The following AKAP13 variants were observed in gnomAD, a reference collection of about 807,000 sequenced individuals.
AKAP13 encodes the protein A-kinase anchoring protein 13, also known as A-kinase anchor protein 13.
A neutral mutation model predicts 264.5 loss-of-function variants in AKAP13; 80 were observed. The observed-to-expected ratio is 0.30, with a 90% confidence interval of 0.25 to 0.36. The LOEUF is 0.36. Ranked by LOEUF, AKAP13 falls within the 10% of genes least tolerant of loss-of-function variation. AKAP13 has a pLI of 1.00. For synonymous variants in AKAP13, 1,380 were observed against 1,250.2 expected, an observed-to-expected ratio of 1.10 and a Z score of -2.19; for missense variants, 3,712 against 3,435.2, an observed-to-expected ratio of 1.08 and a Z score of -2.01.
At chr15:85,704,875 A>T (rs2151679418) in intron 17 of AKAP13, among the ~76,000 whole-genome samples, 1 of 152,330 alleles carries the variant, frequency 6.6e-6, no homozygotes, top group Non-Finnish European at 1.5e-5. Flanking sequence ...GGCTGATGTC[A>T]GTGGGGCTGA....
intron 35 of AKAP13, 60 bp from the exon 36 acceptor site, chr15:85,743,432 A>T (rs2089206352): frequency 2.6e-6 from 4 of 1,543,000 alleles, no homozygotes; most frequent in Non-Finnish European, 3.5e-6. Flanking sequence ...GGATTTATTG[A>T]GTTGGCATCA....
intron 1 of AKAP13, among the ~76,000 whole-genome samples, chr15:85,431,032 G>C (rs958892992): frequency 6.6e-6 from 1 of 152,088 alleles, no homozygotes; most frequent in Middle Eastern, 3.2e-3. Flanking sequence ...GGTTGTTCTG[G>C]TGATAATGAG....
chr15:85,615,231 A>G (rs1229668765), intron 8 of AKAP13, among the ~76,000 whole-genome samples: 1 of 152,226 alleles, frequency 6.6e-6, no homozygotes, highest in African/African-American at 2.4e-5. Flanking sequence ...AAAGATAGTA[A>G]AGGGTTAAGG....
chr15:85,641,488 A>G (rs1436760934), intron 9 of AKAP13, among the ~76,000 whole-genome samples: 3 of 86,520 alleles, frequency 3.5e-5, no homozygotes, highest in African/African-American at 1.1e-4. Flanking sequence ...AAATAAATAA[A>G]TAAATAAATA....
Position 85,595,469 on chromosome 15 carries a change from A to T in AKAP13, c.4161+9646A>T, listed in dbSNP as rs115373433. On this transcript the variant is annotated intron_variant, in intron 8 of 36. Transcript: ENST00000394518. ...GCATACCTAGAATCTAGTTAAATTT[A>T]AAAAAGCAAACATATACAGATATAA... 2.4e-3 allele frequency among the ~76,000 whole-genome samples: 360 copies of T among 152,340 alleles called. 4 individuals carry two copies. Among genetic ancestry groups the T allele is most frequent in the African/African-American group, 8.2e-3 (341 of 41,576 alleles).
At chr15:85,411,240 G>C (rs771384333) in intron 1 of AKAP13, among the ~76,000 whole-genome samples, 3 of 152,224 alleles carry the variant, frequency 2.0e-5, no homozygotes, top group Non-Finnish European at 4.4e-5. Flanking sequence ...GTCATGTACT[G>C]TGAGTGAGAA....
chr15:85,709,302 T>C (rs947135121), intron 18 of AKAP13, among the ~76,000 whole-genome samples: 1 of 152,162 alleles, frequency 6.6e-6, no homozygotes, highest in Non-Finnish European at 1.5e-5. Flanking sequence ...TTATATAGTT[T>C]TTTATAGTCT....
Position 85,506,469 on chromosome 15 carries a change from G to T in AKAP13, c.34-14959G>T, listed in dbSNP as rs566634243. On this transcript the variant is annotated intron_variant, in intron 2 of 36. Coordinates refer to ENST00000394518, the MANE Select transcript of AKAP13 (RefSeq NM_007200.5). ...AGCTTACGTAACAGTTGGGAGGAAA[G>T]GGGAACTCAGATAAATACATAAATA... Among the ~76,000 whole-genome samples, 6 of 152,200 alleles carry T rather than the reference G, an allele frequency of 3.9e-5. No homozygotes were observed. In the South Asian group the frequency reaches 1.2e-3, roughly 32 times the overall value.
chr15:85,655,492 C>T lies in AKAP13; in HGVS notation c.4450C>T (p.His1484Tyr). The T allele has an allele frequency of 6.2e-7, 1 of 1,614,204 alleles. No homozygotes were observed. The highest frequency in any genetic ancestry group is 8.5e-7 in the Non-Finnish European group (1 of 1,180,030). Residue 1484 changes from histidine (H) to tyrosine (Y), a missense_variant, in exon 11 of 37, where the codon CAT becomes TAT. Physicochemically the swap from His to Tyr is moderately conservative, Grantham distance 83. Transcript: ENST00000394518. Reference sequence around the variant, plus strand: ...CGATGACACGGCTTCACTGGACCGACATTCTTCTCATGGCAGTGATGTGTC... The same window carrying T: ...CGATGACACGGCTTCACTGGACCGATATTCTTCTCATGGCAGTGATGTGTC... ...STDDTASLDR[H>Y]SSHGSDVSLS...
At chr15:85,636,740 T>C (rs938519119) in intron 8 of AKAP13, among the ~76,000 whole-genome samples, 1 of 151,968 alleles carries the variant, frequency 6.6e-6, no homozygotes, top group Non-Finnish European at 1.5e-5. Context: ...TCAGGCTCCC[T>C]AGTAGCTGGG....
Position 85,645,859 on chromosome 15 carries a change from A to G in AKAP13, c.4279A>G (p.Thr1427Ala), listed in dbSNP as rs749179692. The G allele has an allele frequency of 8.7e-5, 141 of 1,611,942 alleles. No homozygotes were observed. The highest frequency in any genetic ancestry group is 1.6e-4 in the Middle Eastern group (1 of 6,076). ...GGATGTTGGACTGGGCAGAGAGTGTACCTCAAAACAAGGTGTACTTAAAAG... is the reference window on the plus strand; with the variant it reads ...GGATGTTGGACTGGGCAGAGAGTGTGCCTCAAAACAAGGTGTACTTAAAAG... ...FLDVGLGREC[T>A]SKQGVLKRES... Residue 1427 changes from threonine to alanine, a missense_variant, in exon 10 of 37, where the codon ACC becomes GCC. By Grantham distance (58) the Thr-to-Ala change is moderately conservative (BLOSUM62 0). Transcript: ENST00000394518.
intron 14 of AKAP13, among the ~76,000 whole-genome samples, chr15:85,674,944 C>G (rs1473399276): frequency 1.3e-5 from 2 of 151,942 alleles, no homozygotes; most frequent in Non-Finnish European, 2.9e-5. Flanking sequence ...TGTAATCAGA[C>G]TTCTTTTTGA....
intron 3 of AKAP13, among the ~76,000 whole-genome samples, chr15:85,527,361 C>G (rs895421194): frequency 1.3e-5 from 2 of 152,054 alleles, no homozygotes; most frequent in African/African-American, 4.8e-5. Context: ...GAGTGATATC[C>G]TCCCAAGGGG....
chr15:85,710,535 T>C, intron 18 of AKAP13, 44 bp from the exon 19 acceptor site: 1 of 1,599,630 alleles, frequency 6.3e-7, no homozygotes, highest in Non-Finnish European at 8.5e-7. Context: ...TCTCAGGGCT[T>C]GTCAGAGGTG....
intron 1 of AKAP13, among the ~76,000 whole-genome samples, chr15:85,429,684 G>A (rs2072944019): frequency 6.6e-6 from 1 of 152,182 alleles, no homozygotes; most frequent in South Asian, 2.1e-4. Context: ...GGGGAAGAGA[G>A]CACAAATCTG....
intron 17 of AKAP13, chr15:85,701,283 G>A (rs1438334496): frequency 6.6e-6 from 1 of 152,008 alleles, no homozygotes; most frequent in Non-Finnish European, 1.5e-5. Flanking sequence ...TTTTCTGTTT[G>A]GGAAGTCTGT....
chr15:85,627,545 G>A (rs1263832901), intron 8 of AKAP13: 3 of 152,128 alleles, frequency 2.0e-5, no homozygotes, highest in South Asian at 2.1e-4. Context: ...GCCAAGTATA[G>A]TACTGATCTT....
chr15:85,462,616 T>A (rs1216666007), intron 1 of AKAP13, among the ~76,000 whole-genome samples: 1 of 152,184 alleles, frequency 6.6e-6, no homozygotes, highest in Non-Finnish European at 1.5e-5. Context: ...ACTTAGCTGA[T>A]AAGGATTTTA....
intron 2 of AKAP13, among the ~76,000 whole-genome samples, chr15:85,488,173 C>G (rs182817315): frequency 3.5e-4 from 53 of 152,348 alleles, no homozygotes; most frequent in Admixed American, 5.9e-4. Flanking sequence ...TATGAGCCAT[C>G]CTGCCTGGCC....
Sources: gnomAD v4.1 joint callset for allele counts (sites outside exome capture counted in the v4.1 genomes callset) on GRCh38, gnomAD v4.1.1 for gene constraint, MANE v1.5 for transcripts, NCBI Gene and HGNC (gene_info 2026-07-23, HGNC 2026-07-21) for gene names.